The following CNTNAP2 variants were observed in gnomAD, a reference collection of about 807,000 sequenced individuals.
CNTNAP2 encodes contactin-associated protein-like 2.
CNTNAP2 carries 98 observed loss-of-function variants against 155.2 expected under a neutral mutation model. The observed-to-expected ratio is 0.63, with a 90% CI of 0.54 to 0.75. The LOEUF (loss-of-function observed/expected upper bound fraction) is 0.75, where lower values mean the gene tolerates loss of function less well. Among genes scored for constraint, CNTNAP2 ranks in the 30% least tolerant of loss-of-function variants. The pLI is 0.00. For synonymous variants in CNTNAP2, 651 were observed against 631.2 expected (o/e 1.03, Z -0.47); for missense variants, 1,727 against 1,688.1 (o/e 1.02, Z -0.40).
chr7:147,486,353 T>A (rs1798511307), intron 11 of CNTNAP2, among the ~76,000 whole-genome samples: 1 of 152,154 alleles, frequency 6.6e-6, no homozygotes, highest in Admixed American at 6.5e-5. Flanking sequence ...ATCTGTTGGG[T>A]CGATTGTTTG....
intron 3 of CNTNAP2, among the ~76,000 whole-genome samples, chr7:146,924,426 A>G (rs1796565090): frequency 6.6e-6 from 1 of 152,102 alleles, no homozygotes; most frequent in Admixed American, 6.6e-5. Context: ...TCTGATTCAC[A>G]AATCACAAAG....
chr7:148,397,616 C>T (rs897146979), intron 22 of CNTNAP2, among the ~76,000 whole-genome samples: 18 of 152,220 alleles, frequency 1.2e-4, no homozygotes, highest in Admixed American at 6.5e-4. Context: ...TTCCCCTTTT[C>T]GACAGGGAAT....
intron 11 of CNTNAP2, among the ~76,000 whole-genome samples, chr7:147,549,913 A>G (rs1415680788): frequency 6.6e-6 from 1 of 152,228 alleles, no homozygotes; most frequent in African/African-American, 2.4e-5. Context: ...CATGCTGTAT[A>G]AAGCAATACA....
rs192733241 is a variant in CNTNAP2, at chr7:146,280,037, A to T, written c.97+163064A>T. Among the ~76,000 whole-genome samples the T allele has an allele frequency of 1.4e-3, 209 of 152,226 alleles. 2 individuals carry two copies. The highest frequency in any genetic ancestry group is 2.6e-3 in the Admixed American group (40 of 15,286). On this transcript the variant is annotated intron_variant, in intron 1 of 23. Coordinates refer to ENST00000361727, the MANE Select transcript of CNTNAP2 (RefSeq NM_014141.6). ...ACTAGATTGAAGTAACTATACCAAC[A>T]TGTTCAATTAGCAGTGTTTAAGTTA... is the stretch of plus-strand genomic sequence containing the variant.
At chr7:147,468,583 G>A (rs868300797) in intron 10 of CNTNAP2, among the ~76,000 whole-genome samples, 6 of 152,226 alleles carry the variant, frequency 3.9e-5, no homozygotes, top group African/African-American at 1.2e-4. Context: ...CAGACGATTA[G>A]ACTTACTGCA....
chr7:148,168,207 A>T (rs552300270), intron 17 of CNTNAP2, among the ~76,000 whole-genome samples: 1 of 151,874 alleles, frequency 6.6e-6, no homozygotes, highest in South Asian at 2.1e-4. Flanking sequence ...CCATCCCATT[A>T]CTGGGTATAT....
chr7:146,816,691 T>A (rs1803177503), intron 2 of CNTNAP2, among the ~76,000 whole-genome samples: 1 of 152,170 alleles, frequency 6.6e-6, no homozygotes, highest in South Asian at 2.1e-4. Context: ...CTGCTTGCTA[T>A]ACACATGTTA....
chr7:148,270,717 CAT>C (rs1796760975), intron 21 of CNTNAP2, among the ~76,000 whole-genome samples: 1 of 152,224 alleles, frequency 6.6e-6, no homozygotes. Context: ...GCAATCCTCA[CAT>C]ATCTCACAGC....
At chr7:147,862,269 G>T (rs1018937344) in intron 13 of CNTNAP2, among the ~76,000 whole-genome samples, 3 of 152,088 alleles carry the variant, frequency 2.0e-5, no homozygotes, top group African/African-American at 7.2e-5. Flanking sequence ...AGGAAAACTT[G>T]AAAATATAAG....
chr7:146,824,731 G>C (rs755003619), intron 2 of CNTNAP2, among the ~76,000 whole-genome samples: 56 of 152,016 alleles, frequency 3.7e-4, no homozygotes, highest in Non-Finnish European at 7.1e-4. Context: ...GTTACTTAAA[G>C]CTCAGACAGG....
At chr7:146,900,899 C>T (rs918500908) in intron 3 of CNTNAP2, among the ~76,000 whole-genome samples, 2 of 152,106 alleles carry the variant, frequency 1.3e-5, no homozygotes, top group South Asian at 4.1e-4. Context: ...CTAGTGGACA[C>T]GTAATAAATA....
intron 14 of CNTNAP2, among the ~76,000 whole-genome samples, chr7:147,934,943 A>G (rs552817731): frequency 6.6e-5 from 10 of 152,310 alleles, no homozygotes; most frequent in African/African-American, 2.4e-4. Context: ...CTCTTGTGCT[A>G]CGTTTAAATT....
At chr7:148,053,304 C>T (rs969031988) in intron 15 of CNTNAP2, among the ~76,000 whole-genome samples, 1 of 152,108 alleles carries the variant, frequency 6.6e-6, no homozygotes, top group African/African-American at 2.4e-5. Flanking sequence ...TTGTAAAATA[C>T]ACATTATTCA....
rs572693647 is a variant in CNTNAP2, at chr7:147,960,735, G to A, written c.2256-17127G>A. On this transcript the variant is annotated intron_variant, in intron 14 of 23. Transcript: ENST00000361727. The stretch of plus-strand genomic sequence containing the variant: ...GTGAGTTATGCTGTCTCCCTGTGGT[G>A]CCCAGGGACTCTCTCTCTGTCAAAG... 2.0e-3 allele frequency among the ~76,000 whole-genome samples: 297 copies of A among 152,090 alleles called. 2 individuals are homozygous for A. Among genetic ancestry groups the A allele is most frequent in the African/African-American group, 7.0e-3 (289 of 41,514 alleles).
intron 1 of CNTNAP2, among the ~76,000 whole-genome samples, chr7:146,759,681 C>CCAAAAAAAAAAAAAAAAAAAAAA (rs1802055068): frequency 1.8e-5 from 1 of 54,600 alleles, no homozygotes; most frequent in African/African-American, 4.1e-5. Flanking sequence ...GTGAGACTGT[C>CCAAAAAAAAAAAAAAAAAAAAAA]AAAAAAAAAA....
chr7:146,749,110 CAT>C (rs1801860186), intron 1 of CNTNAP2, among the ~76,000 whole-genome samples: 1 of 152,074 alleles, frequency 6.6e-6, no homozygotes, highest in Non-Finnish European at 1.5e-5. Context: ...AAATCACACA[CAT>C]ATATAACATA....
At chr7:146,696,487 T>C (rs1446730972) in intron 1 of CNTNAP2, among the ~76,000 whole-genome samples, 1 of 152,172 alleles carries the variant, frequency 6.6e-6, no homozygotes, top group Non-Finnish European at 1.5e-5. Flanking sequence ...TTTGGTTTCA[T>C]TGATTTACTC....
intron 20 of CNTNAP2, among the ~76,000 whole-genome samples, chr7:148,249,002 T>C (rs1796321894): frequency 6.6e-6 from 1 of 152,226 alleles, no homozygotes; most frequent in Admixed American, 6.5e-5. Flanking sequence ...TATTGACCAC[T>C]GGTAAATCTT....
At chr7:146,668,339 T>A (rs1800234209) in intron 1 of CNTNAP2, among the ~76,000 whole-genome samples, 1 of 152,116 alleles carries the variant, frequency 6.6e-6, no homozygotes, top group Non-Finnish European at 1.5e-5. Flanking sequence ...TGTTGTATTA[T>A]CTTTGTGATC....
Sources: allele counts gnomAD v4.1 joint callset (sites outside exome capture counted in the v4.1 genomes callset), GRCh38; gene constraint gnomAD v4.1.1; transcripts MANE v1.5; gene names NCBI Gene and HGNC (gene_info 2026-07-23, HGNC 2026-07-21).